The following AKR1B15 variants were observed in gnomAD, a reference collection of about 807,000 sequenced individuals.
The protein encoded by AKR1B15 is estradiol 17-beta-dehydrogenase AKR1B15.
Under a neutral mutation model 38.5 loss-of-function variants are expected in AKR1B15, and 49 were observed. That is an observed-to-expected ratio of 1.27 (90% CI 1.01 to 1.62). The LOEUF (loss-of-function observed/expected upper bound fraction) is 1.62. AKR1B15 is among the 40% of genes most tolerant of loss of function. AKR1B15 has a pLI of 0.00. For missense variants in AKR1B15, 411 were observed against 381.6 expected (o/e 1.08, Z -0.64); for synonymous variants, 137 against 135.5 (o/e 1.01, Z -0.08).
intron 1 of AKR1B15, among the ~76,000 whole-genome samples, chr7:134,551,132 A>G (rs923468624): frequency 2.6e-5 from 4 of 152,070 alleles, no homozygotes; most frequent in African/African-American, 9.7e-5. Flanking sequence ...GAAGAAGAGG[A>G]AAGTTTTCTT....
intron 5 of AKR1B15, 80 bp downstream of exon 5, chr7:134,569,609 G>A (rs1417299420): frequency 1.4e-6 from 2 of 1,417,744 alleles, no homozygotes; most frequent in East Asian, 4.6e-5. Flanking sequence ...GAGACTGGCT[G>A]AAGCCATGGC....
intron 8 of AKR1B15, 33 bp from the exon 9 acceptor site, chr7:134,576,316 T>C (rs1794767139): frequency 6.2e-7 from 1 of 1,600,408 alleles, no homozygotes; most frequent in Non-Finnish European, 8.6e-7. Flanking sequence ...GTAGCCATGG[T>C]GATTATTCAC....
intron 10 of AKR1B15, 69 bp from the exon 11 acceptor site, chr7:134,577,635 T>C: frequency 6.5e-7 from 1 of 1,546,182 alleles, no homozygotes; most frequent in Non-Finnish European, 8.8e-7. Context: ...CCTGCTAGAA[T>C]GGCCGGCAGT....
intron 7 of AKR1B15, 40 bp downstream of exon 7, chr7:134,575,582 T>C: frequency 1.2e-6 from 2 of 1,611,626 alleles, no homozygotes; most frequent in Non-Finnish European, 8.5e-7. Context: ...TCCTGCCCTA[T>C]TACTTCTTAA....
intron 8 of AKR1B15, among the ~76,000 whole-genome samples, 165 bp downstream of exon 8, chr7:134,576,092 A>AAAC (rs753893678): frequency 7.9e-5 from 12 of 152,110 alleles, no homozygotes; most frequent in East Asian, 1.9e-4. Flanking sequence ...AATGGGAATT[A>AAAC]AACAACAACA....
At chr7:134,572,184 C>T (rs1794682004) in intron 6 of AKR1B15, among the ~76,000 whole-genome samples, 1 of 152,172 alleles carries the variant, frequency 6.6e-6, no homozygotes, top group Non-Finnish European at 1.5e-5. Context: ...ACAGGGTTAA[C>T]ATCCCCATTT....
chr7:134,552,161 G>A (rs1036736438), intron 1 of AKR1B15, among the ~76,000 whole-genome samples: 10 of 152,172 alleles, frequency 6.6e-5, no homozygotes, highest in African/African-American at 2.4e-4. Context: ...GTCCCAGAGT[G>A]CCCCTTCTCC....
chr7:134,575,215 A>AT (rs1247514440), intron 6 of AKR1B15, among the ~76,000 whole-genome samples: 5 of 152,058 alleles, frequency 3.3e-5, no homozygotes, highest in Non-Finnish European at 5.9e-5. Context: ...TTAGTTTTAG[A>AT]TTTTCTTGGG....
chr7:134,578,053 A>G (rs189000964), intron 11 of AKR1B15, among the ~76,000 whole-genome samples: 5 of 152,308 alleles, frequency 3.3e-5, no homozygotes, highest in Admixed American at 2.0e-4. Context: ...ACATTCATTT[A>G]TTCATTCATT....
chr7:134,550,387 G>A (rs926674221), intron 1 of AKR1B15, among the ~76,000 whole-genome samples: 5 of 151,988 alleles, frequency 3.3e-5, no homozygotes, highest in Admixed American at 1.3e-4. Context: ...CCTTAAACCC[G>A]TGAAGGAAAG....
rs751702338 is a variant in AKR1B15, at chr7:134,571,664, T to C, written c.496T>C (p.Phe166Leu). Residue 166 changes from phenylalanine to leucine, a missense_variant, in exon 6 of 12, where the codon TTC (phenylalanine) becomes CTC (leucine). Physicochemically the swap from Phe to Leu is conservative, Grantham distance 22. Coordinates refer to ENST00000457545, the MANE Select transcript of AKR1B15 (RefSeq NM_001080538.3). Reference sequence around the variant, plus strand: ...TAATATGATCAGTGGAAAAGGAACGTTCTTGGATGCCTGGGAGGTAGGTTC... The same window carrying C: ...TAATATGATCAGTGGAAAAGGAACGCTCTTGGATGCCTGGGAGGTAGGTTC... ...KGNMISGKGT[F>L]LDAWEAMEEL... 4 of 1,613,704 alleles carry C rather than the reference T, an allele frequency of 2.5e-6. No homozygotes were observed. The highest frequency in any genetic ancestry group is 1.7e-6 in the Non-Finnish European group (2 of 1,179,820).
chr7:134,560,492 C>T (rs751728608), intron 2 of AKR1B15, among the ~76,000 whole-genome samples: 7 of 152,128 alleles, frequency 4.6e-5, no homozygotes, highest in Non-Finnish European at 1.0e-4. Context: ...GCTGTAATAA[C>T]CAGTTGGGTT....
chr7:134,564,885 G>A, intron 3 of AKR1B15, 116 bp downstream of exon 3: 1 of 520,440 alleles, frequency 1.9e-6, no homozygotes, highest in Non-Finnish European at 3.4e-6. Flanking sequence ...GGGACTTGGA[G>A]AACTTTTCTG....
At chr7:134,551,229 T>C (rs1336627467) in intron 1 of AKR1B15, among the ~76,000 whole-genome samples, 2 of 152,204 alleles carry the variant, frequency 1.3e-5, no homozygotes, top group Non-Finnish European at 2.9e-5. Context: ...CCTCTCTGCC[T>C]ATATCCTCCC....
chr7:134,561,374 T>C (rs905677266), intron 2 of AKR1B15, among the ~76,000 whole-genome samples: 10 of 152,098 alleles, frequency 6.6e-5, no homozygotes, highest in Admixed American at 5.9e-4. Flanking sequence ...ATGTGGCTAA[T>C]TTTAGGATTT....
chr7:134,561,541 T>C (rs1794392914), intron 2 of AKR1B15, among the ~76,000 whole-genome samples: 1 of 152,230 alleles, frequency 6.6e-6, no homozygotes, highest in Non-Finnish European at 1.5e-5. Flanking sequence ...GTAGATAATT[T>C]AACAAACATC....
intron 11 of AKR1B15, among the ~76,000 whole-genome samples, chr7:134,578,306 G>T (rs1487376537): frequency 6.6e-6 from 1 of 152,170 alleles, no homozygotes; most frequent in African/African-American, 2.4e-5. Context: ...GTTGGGTCAA[G>T]GGAAGCTTTG....
chr7:134,572,445 A>G (rs1469217057), intron 6 of AKR1B15, among the ~76,000 whole-genome samples: 2 of 152,212 alleles, frequency 1.3e-5, no homozygotes, highest in East Asian at 3.9e-4. Flanking sequence ...TGGCTAGCAG[A>G]GTAAAACGCT....
intron 2 of AKR1B15, among the ~76,000 whole-genome samples, chr7:134,560,129 C>T (rs1218621348): frequency 5.3e-5 from 8 of 151,854 alleles, no homozygotes; most frequent in South Asian, 2.1e-4. Context: ...AAACTATTAG[C>T]GAAAATTCCT....
Sources: gnomAD v4.1 joint callset for allele counts (sites outside exome capture counted in the v4.1 genomes callset) on GRCh38, gnomAD v4.1.1 for gene constraint, MANE v1.5 for transcripts, NCBI Gene and HGNC (gene_info 2026-07-23, HGNC 2026-07-21) for gene names.